The following MID1 variants were observed in gnomAD, a reference collection of about 807,000 sequenced individuals.
The protein encoded by MID1 is midline 1.
Under a neutral mutation model 40.4 loss-of-function variants are expected in MID1, and 7 were observed. That is an observed-to-expected ratio of 0.17 (90% CI 0.10 to 0.33). The LOEUF (loss-of-function observed/expected upper bound fraction) is 0.33, where lower values mean the gene tolerates loss of function less well. Ranked by LOEUF, MID1 falls within the 10% of genes least tolerant of loss-of-function variation. The probability of loss-of-function intolerance (pLI) is 1.00; values close to 1 mark genes in which losing one functional copy is unlikely to be tolerated. For missense variants in MID1, 367 were observed against 558.5 expected, an observed-to-expected ratio of 0.66 and a Z score of 3.46; for synonymous variants, 229 against 221.2, an observed-to-expected ratio of 1.04 and a Z score of -0.31.
chrX:10,492,266 T>C (rs1930992222), intron 4 of MID1, among the ~76,000 whole-genome samples: 1 of 112,025 alleles, frequency 8.9e-6, no homozygotes, highest in Non-Finnish European at 1.9e-5. Context: ...TTGCTGGCTG[T>C]ATGTTTAGAA....
At chrX:10,762,349 T>G (rs2147120940) in intron 1 of MID1, among the ~76,000 whole-genome samples, 1 of 111,836 alleles carries the variant, frequency 8.9e-6, no homozygotes, top group Non-Finnish European at 1.9e-5. Context: ...TCCAAAAGGA[T>G]GATTTACCAA....
At chrX:10,518,616 G>T (rs1932564992) in intron 3 of MID1, among the ~76,000 whole-genome samples, 1 of 111,621 alleles carries the variant, frequency 9.0e-6, no homozygotes, top group Middle Eastern at 4.6e-3. Flanking sequence ...GGAGAATTGG[G>T]TGTTCAACTT....
rs1011524305 is a variant in MID1 at position 10,448,594 on chromosome X, A to G, written c.*774T>C. ...ATCAGCCTGAATTTTTGAATAATCA[A>G]TAGGATTCAAAATGACTATTTTCAA... On this transcript the variant is annotated 3_prime_UTR_variant, in exon 10 of 10. Transcript: ENST00000317552. 8.0e-5 allele frequency: 9 copies of G among 112,332 alleles called. No individual in the cohort carries two copies. The highest frequency in any genetic ancestry group is 1.9e-4 in the Admixed American group (2 of 10,609). The allele number at this position is 112,332 out of a possible 1,213,427, so 9.3% of individuals were successfully genotyped here.
intron 2 of MID1, among the ~76,000 whole-genome samples, chrX:10,549,541 C>G (rs1216337235): frequency 8.8e-6 from 1 of 113,671 alleles, no homozygotes; most frequent in East Asian, 2.8e-4. Flanking sequence ...CCACAGAAAC[C>G]ATATGGCCTG....
intron 1 of MID1, among the ~76,000 whole-genome samples, chrX:10,755,056 G>C (rs766404267): frequency 8.9e-6 from 1 of 111,869 alleles, no homozygotes; most frequent in South Asian, 3.7e-4. Context: ...CAGTGACATT[G>C]ATATAAGGGG....
rs184366954 is a variant in MID1, at chrX:10,638,589, G to A, written c.-186-18170C>T. ...ACTCCACCTCTGGGGTCAGGGCATA[G>A]CTGAACAAAAGGCAGCAGAAACTTC... is the stretch of plus-strand genomic sequence containing the variant. On this transcript the variant is annotated intron_variant, in intron 1 of 10. Coordinates refer to the MID1 transcript ENST00000380785. 1.3e-3 allele frequency among the ~76,000 whole-genome samples: 144 copies of A among 112,535 alleles called. 1 individual carries two copies. Among genetic ancestry groups the A allele is most frequent in the African/African-American group, 4.5e-3 (141 of 31,027 alleles).
intron 1 of MID1, among the ~76,000 whole-genome samples, chrX:10,688,608 T>C (rs2043114078): frequency 8.9e-6 from 1 of 112,212 alleles, no homozygotes; most frequent in Non-Finnish European, 1.9e-5. Context: ...CACTTGATTA[T>C]TGAATTCATC....
chrX:10,507,551 T>C (rs893948715), intron 3 of MID1, among the ~76,000 whole-genome samples: 1 of 112,663 alleles, frequency 8.9e-6, no homozygotes, highest in African/African-American at 3.2e-5. Flanking sequence ...CAGTAGCCAG[T>C]GTCTGATTTC....
rs180842461 is a variant in MID1 at position 10,555,785 on chromosome X, C to T, written c.660+11103G>A. 1.0e-3 allele frequency among the ~76,000 whole-genome samples: 111 copies of T among 110,612 alleles called. 1 individual carries two copies. Among genetic ancestry groups the T allele is most frequent in the African/African-American group, 3.2e-3 (97 of 30,454 alleles). ...AAATAAAAATAAAAACCATATTTTC[C>T]GGATTTTCCCCCTCAATAAATAGCA... On this transcript the variant is annotated intron_variant, in intron 2 of 9. Coordinates refer to ENST00000317552, the MANE Select transcript of MID1 (RefSeq NM_000381.4).
At chrX:10,667,323 C>A (rs886646076) in intron 1 of MID1, among the ~76,000 whole-genome samples, 6 of 111,318 alleles carry the variant, frequency 5.4e-5, no homozygotes, top group African/African-American at 2.0e-4. Flanking sequence ...GTAAAGGCAC[C>A]TCGGAGTGCA....
At chrX:10,738,285 G>A (rs2043500136) in intron 1 of MID1, among the ~76,000 whole-genome samples, 1 of 112,122 alleles carries the variant, frequency 8.9e-6, no homozygotes, top group African/African-American at 3.2e-5. Context: ...GTAAAGCCAG[G>A]GAGGGCATGG....
chrX:10,674,111 T>C (rs2043006376), intron 1 of MID1, among the ~76,000 whole-genome samples: 1 of 112,411 alleles, frequency 8.9e-6, no homozygotes, highest in South Asian at 3.7e-4. Context: ...TGTTTTGTTC[T>C]GTATTTTCCC....
chrX:10,581,906 A>AT lies in MID1; in HGVS notation c.-56-14304dup, dbSNP rs997365578. ...TGTCCCATATGCACTCTTTGTCAGA[A>AT]TTTTTTTATTTTGCAGGAAATAAGG... is the stretch of plus-strand genomic sequence containing the variant. On this transcript the variant is annotated intron_variant, in intron 1 of 9. Coordinates refer to ENST00000317552, the MANE Select transcript of MID1 (RefSeq NM_000381.4). Among the ~76,000 whole-genome samples, 15 of 111,444 alleles carry AT rather than the reference A, an allele frequency of 1.3e-4. 1 individual carries two copies. The highest frequency in any genetic ancestry group is 2.3e-4 in the Non-Finnish European group (12 of 53,070).
chrX:10,726,780 C>T (rs2043394507), intron 1 of MID1, among the ~76,000 whole-genome samples: 3 of 112,641 alleles, frequency 2.7e-5, no homozygotes, highest in Admixed American at 1.9e-4. Flanking sequence ...ATTCTGGCAA[C>T]TCGCTGACCC....
At position 10,537,292 on chromosome X, in the gene MID1, T is replaced by C. The variant is rs554694512; in HGVS notation, c.661-14105A>G. Among the ~76,000 whole-genome samples, 151 of 111,654 alleles carry C rather than the reference T, an allele frequency of 1.4e-3. No individual in the cohort carries two copies. The Middle Eastern group carries it at 0.014, about 10-fold the overall frequency. On this transcript the variant is annotated intron_variant, in intron 2 of 9. Coordinates refer to ENST00000317552, the MANE Select transcript of MID1 (RefSeq NM_000381.4). ...TGAAAAAATAATGCCCCCCCAACCA[T>C]TGGTTGGACTCAGTGTACCTCTTCA...
At chrX:10,625,468 C>G (rs1935986174), upstream of MID1, among the ~76,000 whole-genome samples, 1 of 112,539 alleles carries the variant, frequency 8.9e-6, no homozygotes, top group Admixed American at 9.4e-5. Flanking sequence ...ATTGCAACAA[C>G]AAGCACAGAG....
chrX:10,551,843 G>C (rs1314968810), intron 2 of MID1, among the ~76,000 whole-genome samples: 3 of 112,063 alleles, frequency 2.7e-5, no homozygotes. Context: ...GAGTGTAGTG[G>C]TGTGATCACG....
rs949864701 is a variant in MID1 at position 10,513,971 on chromosome X, T to C, written c.756+9121A>G. ...ATGGAGACAGGATAAGGAATTCTTG[T>C]ATTGTGTGGAGGGAGGGAGCACAAT... is the stretch of plus-strand genomic sequence containing the variant. On this transcript the variant is annotated intron_variant, in intron 3 of 9. Transcript: ENST00000317552. Among the ~76,000 whole-genome samples the C allele has an allele frequency of 4.4e-5, 5 of 112,471 alleles. No homozygotes were observed. The Admixed American group carries it at 4.7e-4, about 11-fold the overall frequency.
chrX:10,595,232 G>A lies in MID1; in HGVS notation c.-57+25058C>T, dbSNP rs1348780557. Among the ~76,000 whole-genome samples the A allele has an allele frequency of 2.7e-5, 3 of 111,664 alleles. No individual in the cohort carries two copies. The East Asian group carries it at 8.4e-4, about 31-fold the overall frequency. ...TTTCTGGAAGTGAAATTACTATGTC[G>A]AAGACACACCCGCATATTCATGTTT... On this transcript the variant is annotated intron_variant, in intron 1 of 9. Transcript: ENST00000317552.
Sources: allele counts gnomAD v4.1 joint callset (sites outside exome capture counted in the v4.1 genomes callset), GRCh38; gene constraint gnomAD v4.1.1; transcripts MANE v1.5; gene names NCBI Gene and HGNC (gene_info 2026-07-23, HGNC 2026-07-21).